The following RANBP2 variants were observed in gnomAD, a reference collection of about 807,000 sequenced individuals.
RANBP2 encodes RAN binding protein 2.
In RANBP2, 57 loss-of-function variants were observed where a neutral mutation model predicts 303.6. The ratio of observed to expected loss-of-function variants is 0.19; its 90% CI spans 0.15 to 0.23. The LOEUF is 0.23. RANBP2 is among the 10% of genes least tolerant of loss of function. The pLI is 1.00. For missense variants in RANBP2, 3,138 were observed against 3,780.8 expected, an observed-to-expected ratio of 0.83 and a Z score of 4.46; for synonymous variants, 1,167 against 1,301.5, an observed-to-expected ratio of 0.90 and a Z score of 2.23.
the RANBP2 span, among the ~76,000 whole-genome samples, chr2:109,260,016 C>G: frequency 6.6e-6 from 1 of 152,130 alleles, no homozygotes; most frequent in Non-Finnish European, 1.5e-5. Flanking sequence ...ATATCTTTTC[C>G]AAGTAGTAAT....
the RANBP2 span, among the ~76,000 whole-genome samples, chr2:109,119,211 G>T: frequency 2.6e-5 from 4 of 152,132 alleles, no homozygotes; most frequent in East Asian, 1.9e-4. Flanking sequence ...TTCTAGAAAG[G>T]TCTATGTATT....
intron 4 of RANBP2, among the ~76,000 whole-genome samples, chr2:108,732,693 T>G (rs1449492001): frequency 2.0e-5 from 3 of 152,192 alleles, no homozygotes; most frequent in Non-Finnish European, 2.9e-5. Context: ...TGCTGCCCCT[T>G]TTGTAGTGAT....
chr2:109,615,227 G>C, the RANBP2 span: 13 of 1,545,742 alleles, frequency 8.4e-6, no homozygotes, highest in Middle Eastern at 1.8e-4. Flanking sequence ...ACAGCGCATC[G>C]GTGGCCTCGT....
chr2:109,395,632 C>T, the RANBP2 span, among the ~76,000 whole-genome samples: 2 of 152,234 alleles, frequency 1.3e-5, no homozygotes, highest in Admixed American at 6.5e-5. Flanking sequence ...GTCTCCCCAC[C>T]CTCACTCTCT....
chr2:109,685,764 A>G, the RANBP2 span, among the ~76,000 whole-genome samples: 2 of 152,308 alleles, frequency 1.3e-5, no homozygotes, highest in African/African-American at 4.8e-5. Flanking sequence ...GGGAAGGGTT[A>G]TATGAAGGTC....
the RANBP2 span, chr2:108,794,672 A>C: frequency 6.2e-7 from 1 of 1,614,110 alleles, no homozygotes. Flanking sequence ...CTTCCACATC[A>C]GATCAGTCAG....
At chr2:108,839,179 C>A in the RANBP2 span, 1 of 1,597,258 alleles carries the variant, frequency 6.3e-7, no homozygotes, top group Non-Finnish European at 8.5e-7. Context: ...ATCATTTTAT[C>A]TTTAGCTTTT....
At chr2:108,723,654 A>G (rs1205274263) in intron 1 of RANBP2, among the ~76,000 whole-genome samples, 2 of 152,080 alleles carry the variant, frequency 1.3e-5, no homozygotes, top group Admixed American at 6.6e-5. Flanking sequence ...TCATTCTTTC[A>G]GTACTGTTAT....
chr2:109,415,253 T>C, the RANBP2 span, among the ~76,000 whole-genome samples: 1 of 152,246 alleles, frequency 6.6e-6, no homozygotes, highest in Non-Finnish European at 1.5e-5. Flanking sequence ...CCCCTGAGTC[T>C]GTGGCTGTTT....
chr2:109,568,710 G>T, the RANBP2 span, among the ~76,000 whole-genome samples: 7 of 151,998 alleles, frequency 4.6e-5, no homozygotes, highest in Non-Finnish European at 7.3e-5. Flanking sequence ...AATAATCTAA[G>T]CACTAAGTAA....
At chr2:109,041,035 G>T in the RANBP2 span, among the ~76,000 whole-genome samples, 1 of 151,942 alleles carries the variant, frequency 6.6e-6, no homozygotes, top group Admixed American at 6.6e-5. Flanking sequence ...CAGCCTGGGC[G>T]ACAGAGCTAG....
At chr2:109,468,201 C>A in the RANBP2 span, among the ~76,000 whole-genome samples, 8 of 152,180 alleles carry the variant, frequency 5.3e-5, no homozygotes, top group African/African-American at 1.9e-4. Flanking sequence ...TGTGACACAC[C>A]TAGGCTGTGT....
chr2:109,519,759 G>C, the RANBP2 span, among the ~76,000 whole-genome samples: 1 of 152,222 alleles, frequency 6.6e-6, no homozygotes, highest in South Asian at 2.1e-4. Flanking sequence ...TTTGTCAAGG[G>C]CATGTGAGGG....
At chr2:108,804,936 G>T in the RANBP2 span, 49 of 1,571,194 alleles carry the variant, frequency 3.1e-5, no homozygotes, top group Non-Finnish European at 4.2e-5. Flanking sequence ...TTAAGGAAAA[G>T]AATAAAGAAA....
the RANBP2 span, among the ~76,000 whole-genome samples, chr2:109,299,095 T>TC: frequency 6.6e-6 from 1 of 152,054 alleles, no homozygotes; most frequent in Admixed American, 6.5e-5. Context: ...CTGGGCAGGC[T>TC]CCCCCAGGGC....
chr2:109,370,487 C>T, the RANBP2 span, among the ~76,000 whole-genome samples: 32 of 152,222 alleles, frequency 2.1e-4, 1 homozygote, highest in South Asian at 6.4e-3. Context: ...TGATCACCCG[C>T]CTCGACCTCC....
At chr2:109,341,184 C>T in the RANBP2 span, among the ~76,000 whole-genome samples, 2 of 152,120 alleles carry the variant, frequency 1.3e-5, no homozygotes, top group East Asian at 1.9e-4. Context: ...AGTTTGGACC[C>T]AACAAGCAGC....
the RANBP2 span, among the ~76,000 whole-genome samples, chr2:108,903,530 G>T: frequency 1.3e-5 from 2 of 152,222 alleles, no homozygotes; most frequent in African/African-American, 4.8e-5. Context: ...AGACCTTGTG[G>T]TATTATCAGA....
chr2:109,424,478 A>ATT, the RANBP2 span, among the ~76,000 whole-genome samples: 64 of 152,080 alleles, frequency 4.2e-4, no homozygotes, highest in African/African-American at 1.2e-3. Context: ...CAGATACTGC[A>ATT]TTTTTTTTAC....
Sources: allele counts gnomAD v4.1 joint callset (sites outside exome capture counted in the v4.1 genomes callset), GRCh38; gene constraint gnomAD v4.1.1; transcripts MANE v1.5; gene names NCBI Gene and HGNC (gene_info 2026-07-23, HGNC 2026-07-21).